Variants in PLBD1 observed in about 807,000 individuals in gnomAD.
The protein encoded by PLBD1 is lysosomal leucine aminopeptidase.
PLBD1 carries 60 observed loss-of-function variants against 63.0 expected under a neutral mutation model. The ratio of observed to expected loss-of-function variants is 0.95; its 90% CI spans 0.77 to 1.18. The LOEUF (loss-of-function observed/expected upper bound fraction) is 1.18, where lower values mean the gene tolerates loss of function less well. Ranked by LOEUF, PLBD1 falls within the 50% of genes most tolerant of loss-of-function variation. The probability of loss-of-function intolerance (pLI) is 0.00; values close to 1 mark genes in which losing one functional copy is unlikely to be tolerated. For synonymous variants in PLBD1, 262 were observed against 248.0 expected (o/e 1.06, Z -0.53); for missense variants, 598 against 677.9 (o/e 0.88, Z 1.31).
At chr12:14,542,622 C>T (rs758920339) in intron 2 of PLBD1, among the ~76,000 whole-genome samples, 8 of 152,196 alleles carry the variant, frequency 5.3e-5, no homozygotes, top group Non-Finnish European at 7.3e-5. Flanking sequence ...ATTGTTTTCC[C>T]TTCTCCCAAG....
chr12:14,528,848 A>T (rs1356824609), intron 6 of PLBD1, among the ~76,000 whole-genome samples: 3 of 152,202 alleles, frequency 2.0e-5, no homozygotes, highest in African/African-American at 7.2e-5. Context: ...CTTCATATCA[A>T]TAAAAACAAT....
chr12:14,522,225 T>C (rs933468955), intron 6 of PLBD1, among the ~76,000 whole-genome samples: 1 of 152,098 alleles, frequency 6.6e-6, no homozygotes, highest in South Asian at 2.1e-4. Context: ...GAGAGAGATA[T>C]AGAGAACTCT....
At chr12:14,516,219 C>T (rs1426054081) in intron 6 of PLBD1, among the ~76,000 whole-genome samples, 1 of 152,116 alleles carries the variant, frequency 6.6e-6, no homozygotes, top group Non-Finnish European at 1.5e-5. Context: ...ATCCCAGTTA[C>T]TCAGGAGGCT....
chr12:14,508,116 T>C (rs143639250), intron 8 of PLBD1, among the ~76,000 whole-genome samples: 1,588 of 152,330 alleles, frequency 0.01, 100 homozygotes, highest in Admixed American at 0.093. Flanking sequence ...AGAACTGAGA[T>C]ATGGATGACA....
At chr12:14,537,018 G>A (rs570795888) in intron 4 of PLBD1, among the ~76,000 whole-genome samples, 2 of 151,432 alleles carry the variant, frequency 1.3e-5, no homozygotes, top group Admixed American at 6.6e-5. Context: ...GAACCCAGGA[G>A]GCGGAGGTTG....
intron 6 of PLBD1, among the ~76,000 whole-genome samples, chr12:14,525,513 T>G (rs531586681): frequency 2.1e-4 from 32 of 152,192 alleles, no homozygotes; most frequent in Non-Finnish European, 4.1e-4. Flanking sequence ...GAAAAACCCT[T>G]ACATTTAATG....
At chr12:14,546,119 C>T (rs531339121) in intron 2 of PLBD1, among the ~76,000 whole-genome samples, 3 of 152,120 alleles carry the variant, frequency 2.0e-5, no homozygotes, top group Admixed American at 2.0e-4. Context: ...ATCAGGAGTT[C>T]AAGACCAGCC....
intron 2 of PLBD1, among the ~76,000 whole-genome samples, 184 bp downstream of exon 2, chr12:14,553,009 A>G (rs968882305): frequency 5.3e-5 from 8 of 152,204 alleles, no homozygotes; most frequent in Non-Finnish European, 1.0e-4. Context: ...CTGGCAACAA[A>G]GCGAGACTGT....
At position 14,511,384 on chromosome 12, in the gene PLBD1, T is replaced by C. The variant is rs1323497581; in HGVS notation, c.1062A>G (p.Gln354=). 6 of 1,613,556 alleles carry C rather than the reference T, an allele frequency of 3.7e-6. No individual in the cohort carries two copies. Among genetic ancestry groups the C allele is most frequent in the Non-Finnish European group, 5.1e-6 (6 of 1,179,792 alleles). Residue 354 remains glutamine, a synonymous_variant, in exon 8 of 11, where the codon CAA becomes CAG. Transcript: ENST00000240617. ...SKYNSGTYNN[Q]YMVLDLKKVK... is the part of the protein sequence containing the mutation. ...CTTTCTTCAGGTCCAGAACCATGTATTGATTGTTATAGGTGCCTGAAATAT... is the reference window on the plus strand; with the variant it reads ...CTTTCTTCAGGTCCAGAACCATGTACTGATTGTTATAGGTGCCTGAAATAT...
intron 1 of PLBD1, among the ~76,000 whole-genome samples, chr12:14,558,385 T>G (rs535479875): frequency 1.3e-5 from 2 of 152,270 alleles, no homozygotes; most frequent in South Asian, 4.1e-4. Flanking sequence ...ATTTGACAAT[T>G]GTAGGCAGCA....
At chr12:14,507,512 T>C (rs1052224041) in intron 8 of PLBD1, among the ~76,000 whole-genome samples, 2 of 152,216 alleles carry the variant, frequency 1.3e-5, no homozygotes, top group African/African-American at 4.8e-5. Flanking sequence ...GTTCACAGTG[T>C]GGCCCTATAA....
At chr12:14,521,416 C>A (rs573198852) in intron 6 of PLBD1, among the ~76,000 whole-genome samples, 1 of 151,980 alleles carries the variant, frequency 6.6e-6, no homozygotes. Context: ...CTTGTGCACC[C>A]GTGGCGCATG....
chr12:14,515,897 C>A (rs1439777832), intron 6 of PLBD1, among the ~76,000 whole-genome samples: 28 of 143,816 alleles, frequency 1.9e-4, no homozygotes, highest in Non-Finnish European at 1.2e-4. Flanking sequence ...ACTAAAAATA[C>A]AAAAAAAAAA....
chr12:14,527,877 A>G (rs567116147), intron 6 of PLBD1, among the ~76,000 whole-genome samples: 2 of 152,192 alleles, frequency 1.3e-5, no homozygotes, highest in South Asian at 4.1e-4. Context: ...AGCATAAGAA[A>G]GCTGGAGTGG....
intron 6 of PLBD1, among the ~76,000 whole-genome samples, chr12:14,524,494 G>A (rs1294461383): frequency 6.6e-6 from 1 of 152,068 alleles, no homozygotes; most frequent in African/African-American, 2.4e-5. Context: ...GAGACACTAT[G>A]GTGTGCTATT....
At chr12:14,509,256 A>C (rs1344560) in intron 8 of PLBD1, among the ~76,000 whole-genome samples, 132,133 of 152,092 alleles carry the variant, frequency 0.87, 60,109 homozygotes, top group Non-Finnish European at 0.99. Context: ...GATCATCATC[A>C]ACTCTTTTTA....
At chr12:14,562,374 C>T (rs978171846) in intron 1 of PLBD1, among the ~76,000 whole-genome samples, 2 of 145,758 alleles carry the variant, frequency 1.4e-5, no homozygotes, top group African/African-American at 2.5e-5. Flanking sequence ...GTAGGAGGAT[C>T]GCTGGAACCC....
At chr12:14,534,551 T>A (rs1945495898) in intron 6 of PLBD1, among the ~76,000 whole-genome samples, 1 of 150,444 alleles carries the variant, frequency 6.6e-6, no homozygotes, top group South Asian at 2.1e-4. Context: ...TTCTTTTTTT[T>A]TTTTTTTTTT....
chr12:14,509,587 C>A (rs1945280677), intron 8 of PLBD1, among the ~76,000 whole-genome samples: 1 of 152,148 alleles, frequency 6.6e-6, no homozygotes, highest in African/African-American at 2.4e-5. Context: ...AGTCTTAGTG[C>A]ATTTAGTTGG....
Sources: gnomAD v4.1 joint callset for allele counts (sites outside exome capture counted in the v4.1 genomes callset) on GRCh38, gnomAD v4.1.1 for gene constraint, MANE v1.5 for transcripts, NCBI Gene and HGNC (gene_info 2026-07-23, HGNC 2026-07-21) for gene names.